The following DIS3L2 variants were observed in gnomAD, a reference collection of about 807,000 sequenced individuals.
DIS3L2 encodes DIS3-like exonuclease 2.
DIS3L2 carries 34 observed loss-of-function variants against 97.5 expected under a neutral mutation model. The ratio of observed to expected loss-of-function variants is 0.35; its 90% CI spans 0.27 to 0.46. DIS3L2 has a LOEUF of 0.46. Ranked by LOEUF, DIS3L2 falls within the 20% of genes least tolerant of loss-of-function variation. The pLI is 1.00. For missense variants in DIS3L2, 1,038 were observed against 1,146.0 expected, an observed-to-expected ratio of 0.91 and a Z score of 1.36; for synonymous variants, 435 against 445.2, an observed-to-expected ratio of 0.98 and a Z score of 0.29.
chr2:232,331,904 A>G (rs1265801933), intron 16 of DIS3L2: 1 of 152,252 alleles, frequency 6.6e-6, no homozygotes, highest in Non-Finnish European at 1.5e-5. Context: ...TTGCCCGGGA[A>G]TCCGATGGCA....
chr2:231,966,218 G>C (rs1412826959), intron 1 of DIS3L2, among the ~76,000 whole-genome samples: 2 of 150,902 alleles, frequency 1.3e-5, no homozygotes, highest in African/African-American at 4.9e-5. Context: ...GCCCAGGCTG[G>C]AGTGCAGTGG....
chr2:232,080,088 G>T (rs1225748734), intron 5 of DIS3L2, among the ~76,000 whole-genome samples: 1 of 152,226 alleles, frequency 6.6e-6, no homozygotes, highest in Non-Finnish European at 1.5e-5. Context: ...AATAAAGGTT[G>T]TTTGGGTTTA....
At chr2:231,962,729 C>T (rs781122135) in intron 1 of DIS3L2, among the ~76,000 whole-genome samples, 1 of 152,154 alleles carries the variant, frequency 6.6e-6, no homozygotes, top group Non-Finnish European at 1.5e-5. Context: ...GCCACCGCAC[C>T]CGGCCGACTG....
intron 13 of DIS3L2, among the ~76,000 whole-genome samples, chr2:232,342,302 T>C (rs1271379554): frequency 1.3e-5 from 2 of 151,066 alleles, no homozygotes; most frequent in South Asian, 2.1e-4. Flanking sequence ...TATATACACA[T>C]ATATACATAT....
intron 5 of DIS3L2, among the ~76,000 whole-genome samples, chr2:232,086,176 C>T (rs569480375): frequency 1.6e-4 from 23 of 147,066 alleles, no homozygotes; most frequent in African/African-American, 5.6e-4. Flanking sequence ...TACGTATATA[C>T]GTATATATAC....
At chr2:232,085,355 A>G (rs569352137) in intron 5 of DIS3L2, among the ~76,000 whole-genome samples, 1 of 152,356 alleles carries the variant, frequency 6.6e-6, no homozygotes, top group South Asian at 2.1e-4. Flanking sequence ...AAGGGACTCC[A>G]TAATGACTTG....
intron 5 of DIS3L2, among the ~76,000 whole-genome samples, chr2:232,076,383 T>C (rs1473310437): frequency 6.6e-6 from 1 of 152,204 alleles, no homozygotes; most frequent in East Asian, 1.9e-4. Context: ...TACAAAGGGC[T>C]GGACCAGTTC....
At chr2:232,209,429 A>G (rs1342304746) in intron 9 of DIS3L2, among the ~76,000 whole-genome samples, 1 of 152,228 alleles carries the variant, frequency 6.6e-6, no homozygotes, top group East Asian at 1.9e-4. Flanking sequence ...TATGGGCAAC[A>G]TCATCAGTGT....
rs367755306 is a variant in DIS3L2, at chr2:232,106,968, A to G, written c.601+19247A>G. 2.6e-3 allele frequency among the ~76,000 whole-genome samples: 403 copies of G among 152,358 alleles called. 2 individuals are homozygous for G. The highest frequency in any genetic ancestry group is 9.0e-3 in the African/African-American group (376 of 41,578). The stretch of plus-strand genomic sequence containing the variant: ...TAAGAAATTCACTTAAAATTATGCA[A>G]CCACATGGAAATTAAACAACCTGCT... On this transcript the variant is annotated intron_variant, in intron 6 of 20. Transcript: ENST00000325385.
chr2:232,323,453 G>A (rs550970700), intron 14 of DIS3L2, among the ~76,000 whole-genome samples: 34 of 152,168 alleles, frequency 2.2e-4, no homozygotes, highest in Non-Finnish European at 4.1e-4. Flanking sequence ...TCCTTCCTTT[G>A]GAGCTAGAAA....
chr2:232,282,142 T>TAAAA (rs60408194), intron 13 of DIS3L2, among the ~76,000 whole-genome samples: 1 of 107,156 alleles, frequency 9.3e-6, no homozygotes, highest in Non-Finnish European at 1.9e-5. Context: ...CTCGTTTATT[T>TAAAA]AAAAAAAAAA....
At chr2:232,123,568 A>C (rs1005637755) in intron 6 of DIS3L2, among the ~76,000 whole-genome samples, 2 of 152,068 alleles carry the variant, frequency 1.3e-5, no homozygotes, top group African/African-American at 4.8e-5. Context: ...AAGATTTCTA[A>C]GATACAAATC....
chr2:232,340,696 G>T, downstream of DIS3L2: 1 of 469,362 alleles, frequency 2.1e-6, no homozygotes, highest in Non-Finnish European at 4.4e-6. Context: ...GACTGGCAAA[G>T]CTCTCAGTTC....
chr2:232,208,271 T>C (rs550005499), intron 9 of DIS3L2, among the ~76,000 whole-genome samples: 78 of 152,148 alleles, frequency 5.1e-4, no homozygotes, highest in Non-Finnish European at 8.8e-4. Flanking sequence ...TCTCCTCTTC[T>C]TCTCCTCTCC....
At chr2:232,214,473 C>T (rs1455482816) in intron 10 of DIS3L2, among the ~76,000 whole-genome samples, 2 of 152,134 alleles carry the variant, frequency 1.3e-5, no homozygotes, top group Non-Finnish European at 2.9e-5. Flanking sequence ...CATTTGACAA[C>T]CTATCAGTTA....
chr2:232,214,896 T>G (rs1447303455), intron 10 of DIS3L2, among the ~76,000 whole-genome samples: 2 of 152,232 alleles, frequency 1.3e-5, no homozygotes, highest in African/African-American at 4.8e-5. Context: ...TCTCTAAAGT[T>G]GTATTCTCTA....
In DIS3L2 at chr2:232,263,351, G is replaced by A. The variant is rs201308521; in HGVS notation, c.1570G>A (p.Glu524Lys). 2.5e-4 allele frequency: 397 copies of A among 1,614,188 alleles called. 1 individual carries two copies. The African/African-American group carries it at 4.9e-3, about 20-fold the overall frequency. Residue 524 changes from glutamate (E) to lysine (K), a missense_variant, in exon 13 of 21, where the codon GAG (glutamate) becomes AAG (lysine). Glu to Lys is a moderately conservative substitution (Grantham distance 56, BLOSUM62 1). This residue lies in a region of DIS3L2 where 813 missense variants were observed against 880.1 expected (regional missense o/e 0.92). Transcript: ENST00000325385. Reference protein sequence around the residue: ...PPISPEHSSEEVHQAVLNLHG... With the variant: ...PPISPEHSSEKVHQAVLNLHG... ...CATTTCCCCAGAGCATAGCAGCGAG[G>A]AGGTACACCAGGCCGTCTTGAATCT... is the stretch of plus-strand genomic sequence containing the variant.
intron 6 of DIS3L2, among the ~76,000 whole-genome samples, chr2:232,089,721 C>T (rs1355207327): frequency 6.6e-6 from 1 of 152,152 alleles, no homozygotes; most frequent in African/African-American, 2.4e-5. Context: ...GCCTCTTTTC[C>T]TCTGGGCTCC....
chr2:232,004,636 A>G (rs1189226566), intron 1 of DIS3L2, among the ~76,000 whole-genome samples: 1 of 149,022 alleles, frequency 6.7e-6, no homozygotes, highest in Non-Finnish European at 1.5e-5. Context: ...GCAGGAGTGC[A>G]GTGGCGTGTT....
Sources: allele counts gnomAD v4.1 joint callset (sites outside exome capture counted in the v4.1 genomes callset), GRCh38; gene constraint gnomAD v4.1.1; regional missense constraint gnomAD v4.1.1; transcripts MANE v1.5; gene names NCBI Gene and HGNC (gene_info 2026-07-23, HGNC 2026-07-21).